The following GLYAT variants were observed in gnomAD, a reference collection of about 807,000 sequenced individuals.
GLYAT encodes the protein glycine-N-acyltransferase.
A neutral mutation model predicts 22.8 loss-of-function variants in GLYAT; 25 were observed. The ratio of observed to expected loss-of-function variants is 1.09; its 90% CI spans 0.80 to 1.53. The LOEUF (loss-of-function observed/expected upper bound fraction) is 1.53, where lower values mean the gene tolerates loss of function less well. Ranked by LOEUF, GLYAT falls within the 40% of genes most tolerant of loss-of-function variation. GLYAT has a pLI of 0.00. For synonymous variants in GLYAT, 140 were observed against 122.7 expected (o/e 1.14, Z -0.93); for missense variants, 411 against 353.9 (o/e 1.16, Z -1.29).
At chr11:58,717,743 C>A (rs1434595505) in intron 2 of GLYAT, among the ~76,000 whole-genome samples, 1 of 151,970 alleles carries the variant, frequency 6.6e-6, no homozygotes, top group Admixed American at 6.6e-5. Context: ...CCCATTTTTA[C>A]TAAAAACAAA....
rs1856631136 is a variant in GLYAT, at chr11:58,712,742, C to G, written c.316+18G>C. 1 of 1,610,680 alleles carries G rather than the reference C, an allele frequency of 6.2e-7. No individual in the cohort carries two copies. Among genetic ancestry groups the G allele is most frequent in the South Asian group, 1.1e-5 (1 of 90,996 alleles). On this transcript the variant is annotated intron_variant, in intron 4 of 5. Coordinates refer to ENST00000344743, the MANE Select transcript of GLYAT (RefSeq NM_201648.3). ...GACACATAAGTGAGTCAGCACACAT[C>G]CCATTCCTCTTACTTACTTTGAATC...
At chr11:58,716,214 T>A (rs1446497115) in intron 2 of GLYAT, among the ~76,000 whole-genome samples, 4 of 152,056 alleles carry the variant, frequency 2.6e-5, no homozygotes, top group Admixed American at 2.6e-4. Flanking sequence ...GTCCTTATGA[T>A]TTTGGGGTTG....
rs768397122 is a variant in GLYAT, at chr11:58,710,605, C to T, written c.473G>A (p.Gly158Asp). The T allele has an allele frequency of 4.4e-6, 7 of 1,603,864 alleles. No homozygotes were observed. The highest frequency in any genetic ancestry group is 1.7e-5 in the Admixed American group (1 of 60,002). The change falls in exon 5 of 6, where the codon GGC becomes GAC. Residue 158 changes from glycine (G) to aspartate (D), a missense_variant. Coordinates refer to ENST00000344743, the MANE Select transcript of GLYAT (RefSeq NM_201648.3). ...TCAAACTCACATGGCCTTGGGTTTG[C>T]CACCATTGGGAGATAAAATCTTTGA... ...LKSKILSPNG[G>D]KPKAINQEMF...
chr11:58,714,964 C>A (rs1039730982), intron 3 of GLYAT, among the ~76,000 whole-genome samples: 2 of 152,058 alleles, frequency 1.3e-5, no homozygotes, highest in East Asian at 3.9e-4. Flanking sequence ...AGAATGTCCA[C>A]TTTTCCTTGT....
chr11:58,710,279 G>A (rs1856597436), intron 5 of GLYAT, 111 bp from the exon 6 acceptor site: 2 of 1,451,118 alleles, frequency 1.4e-6, no homozygotes, highest in Admixed American at 5.2e-5. Flanking sequence ...CAAATGTGAA[G>A]TCCTGGAATA....
intron 2 of GLYAT, among the ~76,000 whole-genome samples, chr11:58,717,205 AGTCTCTG>A (rs1473324707): frequency 2.0e-5 from 3 of 152,198 alleles, no homozygotes; most frequent in South Asian, 4.1e-4. Flanking sequence ...CAATAAAATG[AGTCTCTG>A]GTCTCAGGTT....
At chr11:58,718,722 C>A (rs571863668) in intron 2 of GLYAT, among the ~76,000 whole-genome samples, 1 of 151,490 alleles carries the variant, frequency 6.6e-6, no homozygotes, top group South Asian at 2.1e-4. Flanking sequence ...TTAAGAGCAC[C>A]TGTTGGAGTT....
intron 2 of GLYAT, among the ~76,000 whole-genome samples, chr11:58,716,802 G>A (rs761155650): frequency 6.6e-6 from 1 of 152,082 alleles, no homozygotes; most frequent in Non-Finnish European, 1.5e-5. Flanking sequence ...AAGTCCTGAC[G>A]ACACATGCCC....
intron 4 of GLYAT, among the ~76,000 whole-genome samples, chr11:58,712,357 A>G (rs1433186666): frequency 1.3e-5 from 2 of 152,160 alleles, no homozygotes; most frequent in Non-Finnish European, 2.9e-5. Flanking sequence ...CATCCTAGAG[A>G]ATCTCCAGAG....
chr11:58,710,740 T>C lies in GLYAT; in HGVS notation c.338A>G (p.Glu113Gly). Residue 113 changes from glutamate (E) to glycine (G), a missense_variant, in exon 5 of 6, where the codon GAG (glutamate) becomes GGG (glycine). Glu to Gly is a moderately conservative substitution (Grantham distance 98, BLOSUM62 -2). Coordinates refer to ENST00000344743, the MANE Select transcript of GLYAT (RefSeq NM_201648.3). ...AATGGCTGCAAGATTTTGTATAGCC[T>C]CATTCAGGCTAGGCTGTGAACCTAG... ...QIQSSQPSLNEAIQNLAAIKS... is the reference protein window; with the variant it reads ...QIQSSQPSLNGAIQNLAAIKS... The C allele has an allele frequency of 6.2e-7, 1 of 1,607,598 alleles. No homozygotes were observed. Among genetic ancestry groups the C allele is most frequent in the Non-Finnish European group, 8.5e-7 (1 of 1,174,122 alleles).
chr11:58,717,049 T>C (rs1856689968), intron 2 of GLYAT, among the ~76,000 whole-genome samples: 1 of 152,132 alleles, frequency 6.6e-6, no homozygotes, highest in Non-Finnish European at 1.5e-5. Flanking sequence ...TACATCTTTC[T>C]TAGTAACTTT....
chr11:58,721,757 C>A (rs939120473), intron 2 of GLYAT, among the ~76,000 whole-genome samples: 11 of 151,974 alleles, frequency 7.2e-5, no homozygotes, highest in Admixed American at 6.6e-5. Context: ...AAAAAGGTGA[C>A]CTTATAATGT....
chr11:58,717,149 T>A (rs1488210388), intron 2 of GLYAT, among the ~76,000 whole-genome samples: 1 of 143,222 alleles, frequency 7.0e-6, no homozygotes, highest in Admixed American at 7.1e-5. Context: ...TTTCCTTTTA[T>A]ATGCCCCCCA....
intron 2 of GLYAT, 88 bp from the exon 3 acceptor site, chr11:58,715,511 T>A: frequency 1.5e-6 from 1 of 664,156 alleles, no homozygotes; most frequent in Non-Finnish European, 2.7e-6. Context: ...ATTATTTCTA[T>A]AAAATCATGA....
intron 4 of GLYAT, 25 bp from the exon 5 acceptor site, chr11:58,710,786 G>A: frequency 7.3e-7 from 1 of 1,361,106 alleles, no homozygotes; most frequent in Non-Finnish European, 1.1e-6. Context: ...AAACAGAGAT[G>A]AAATGGTTTA....
At chr11:58,726,898 G>A (rs186067006) in intron 1 of GLYAT, among the ~76,000 whole-genome samples, 2 of 152,048 alleles carry the variant, frequency 1.3e-5, no homozygotes, top group East Asian at 1.9e-4. Context: ...ATTTGCCCTC[G>A]ACATAAAGGA....
At chr11:58,721,996 G>A (rs1368677452) in intron 2 of GLYAT, among the ~76,000 whole-genome samples, 2 of 152,034 alleles carry the variant, frequency 1.3e-5, no homozygotes, top group Admixed American at 6.6e-5. Context: ...CCAGGTAGTT[G>A]TTAAATGCTA....
intron 1 of GLYAT, among the ~76,000 whole-genome samples, chr11:58,725,586 C>G (rs1326168421): frequency 1.3e-5 from 2 of 152,116 alleles, no homozygotes; most frequent in African/African-American, 2.4e-5. Context: ...TCAATTCTTG[C>G]CTCCTCAACA....
At chr11:58,717,305 C>T (rs890628567) in intron 2 of GLYAT, among the ~76,000 whole-genome samples, 4 of 151,948 alleles carry the variant, frequency 2.6e-5, no homozygotes, top group African/African-American at 9.7e-5. Context: ...TGTGAAGTCT[C>T]ATGTCCTATG....
Sources: allele counts gnomAD v4.1 joint callset (sites outside exome capture counted in the v4.1 genomes callset), GRCh38; gene constraint gnomAD v4.1.1; transcripts MANE v1.5; gene names NCBI Gene and HGNC (gene_info 2026-07-23, HGNC 2026-07-21).